The following MAP3K15 variants were observed in gnomAD, a reference collection of about 807,000 sequenced individuals.
MAP3K15 encodes MAPK/ERK kinase kinase 15.
Under a neutral mutation model 99.5 loss-of-function variants are expected in MAP3K15, and 124 were observed. That is an observed-to-expected ratio of 1.25 (90% CI 1.08 to 1.45). The LOEUF is 1.45. Among genes scored for constraint, MAP3K15 ranks in the 40% most tolerant of loss-of-function variants. The probability of loss-of-function intolerance (pLI) is 0.00; values close to 1 mark genes in which losing one functional copy is unlikely to be tolerated. For missense variants in MAP3K15, 1,242 were observed against 1,079.7 expected, an observed-to-expected ratio of 1.15 and a Z score of -2.11; for synonymous variants, 494 against 439.6, an observed-to-expected ratio of 1.12 and a Z score of -1.55.
chrX:19,469,223 C>T (rs1263612808), intron 3 of MAP3K15, among the ~76,000 whole-genome samples: 2 of 111,588 alleles, frequency 1.8e-5, no homozygotes, highest in African/African-American at 6.5e-5. Flanking sequence ...TGGAACAGAA[C>T]AGAGCCCTCA....
chrX:19,418,979 A>G (rs1225923341), intron 9 of MAP3K15, among the ~76,000 whole-genome samples: 2 of 111,860 alleles, frequency 1.8e-5, no homozygotes, highest in African/African-American at 6.5e-5. Context: ...TTTACAGACA[A>G]GCAAATGCTG....
chrX:19,418,846 G>A (rs1251932389), intron 9 of MAP3K15, among the ~76,000 whole-genome samples: 2 of 112,222 alleles, frequency 1.8e-5, no homozygotes, highest in Non-Finnish European at 3.8e-5. Flanking sequence ...TCTCTCTGCA[G>A]AAACTCTACA....
intron 8 of MAP3K15, 115 bp from the exon 9 acceptor site, chrX:19,425,805 C>CAATCAG: frequency 2.8e-6 from 2 of 705,781 alleles, no homozygotes; most frequent in Non-Finnish European, 4.0e-6. Flanking sequence ...GGAAAAGTAA[C>CAATCAG]TGATTGTTCC....
chrX:19,473,502 C>G lies in MAP3K15; in HGVS notation c.526-9096G>C, dbSNP rs1249234439. On this transcript the variant is annotated intron_variant, in intron 3 of 28. Coordinates refer to ENST00000338883, the MANE Select transcript of MAP3K15 (RefSeq NM_001001671.4). Reference sequence around the variant, plus strand: ...AAGTGGAAACATCTCAAGAATCCAGCTCATTAAAACAAATTTAACAAACGC... The same window carrying G: ...AAGTGGAAACATCTCAAGAATCCAGGTCATTAAAACAAATTTAACAAACGC... Among the ~76,000 whole-genome samples, 6 of 112,417 alleles carry G rather than the reference C, an allele frequency of 5.3e-5. No individual in the cohort carries two copies. In the Admixed American group the frequency reaches 5.7e-4, roughly 11 times the overall value.
At chrX:19,513,562 C>G (rs778561492) in intron 1 of MAP3K15, among the ~76,000 whole-genome samples, 2 of 111,580 alleles carry the variant, frequency 1.8e-5, no homozygotes, top group East Asian at 2.8e-4. Flanking sequence ...CTGACTCCCC[C>G]CCTACCCCGC....
At chrX:19,500,674 AAG>A (rs2064435243) in intron 1 of MAP3K15, among the ~76,000 whole-genome samples, 1 of 112,445 alleles carries the variant, frequency 8.9e-6, no homozygotes, top group Non-Finnish European at 1.9e-5. Flanking sequence ...ACTGGGAAAC[AAG>A]AATTTTGCCA....
At chrX:19,470,546 T>TAAA (rs56319020) in intron 3 of MAP3K15, among the ~76,000 whole-genome samples, 3 of 97,353 alleles carry the variant, frequency 3.1e-5, no homozygotes, top group Non-Finnish European at 6.1e-5. Context: ...AAACTTAAAT[T>TAAA]AAAAAAAAAA....
chrX:19,423,156 C>T (rs2063800576), intron 9 of MAP3K15, among the ~76,000 whole-genome samples: 1 of 109,621 alleles, frequency 9.1e-6, no homozygotes, highest in African/African-American at 3.3e-5. Flanking sequence ...TGCACATGTA[C>T]CCTAAAACTT....
At chrX:19,373,481 G>A in intron 21 of MAP3K15, 55 bp downstream of exon 21, 1 of 1,147,192 alleles carries the variant, frequency 8.7e-7, no homozygotes, top group East Asian at 3.3e-5. Flanking sequence ...CCCTGTGGCG[G>A]AGGACTACCA....
Position 19,424,791 on chromosome X carries a change from C to T in MAP3K15, c.1439+740G>A, listed in dbSNP as rs1036692973. Among the ~76,000 whole-genome samples, 5 of 109,035 alleles carry T rather than the reference C, an allele frequency of 4.6e-5. No individual in the cohort carries two copies. In the East Asian group the frequency reaches 8.6e-4, roughly 19 times the overall value. The allele number at this position is 109,035 out of a possible 115,157, so 94.7% of individuals were successfully genotyped here. On this transcript the variant is annotated intron_variant, in intron 9 of 28. Transcript: ENST00000338883. ...CTTCCCGAGTAGCTGGGACCACAGG[C>T]GTGCACCACCATGCCTGGCTATTTT...
intron 25 of MAP3K15, among the ~76,000 whole-genome samples, chrX:19,366,131 G>A (rs1438404862): frequency 9.0e-6 from 1 of 110,599 alleles, no homozygotes; most frequent in East Asian, 2.8e-4. Flanking sequence ...AAGTGGGGTG[G>A]GGAGAGGAGA....
intron 3 of MAP3K15, among the ~76,000 whole-genome samples, chrX:19,468,146 C>T (rs909812499): frequency 8.9e-6 from 1 of 111,930 alleles, no homozygotes; most frequent in African/African-American, 3.2e-5. Context: ...GAAGTTTAAG[C>T]TCATGAGTGC....
At chrX:19,392,589 G>T in intron 16 of MAP3K15, 116 bp from the exon 17 acceptor site, 1 of 717,476 alleles carries the variant, frequency 1.4e-6, no homozygotes. Flanking sequence ...CAACACCATC[G>T]GATCTGGGCT....
Position 19,415,226 on chromosome X carries a change from G to C in MAP3K15, c.1471C>G (p.Leu491Val). The C allele has an allele frequency of 7.6e-6, 9 of 1,180,570 alleles. No homozygotes were observed. The highest frequency in any genetic ancestry group is 1.0e-5 in the Non-Finnish European group (9 of 885,188). ...ATGGTTTTCTTGAAGCGCCGAATTAGTAACAAGTTCTGAACTAATGATCGC... is the reference window on the plus strand; with the variant it reads ...ATGGTTTTCTTGAAGCGCCGAATTACTAACAAGTTCTGAACTAATGATCGC... ...YLRSLVQNLL[L>V]IRRFKKTIIE... The change falls in exon 10 of 29, where the codon CTA (leucine) becomes GTA (valine). Residue 491 changes from leucine to valine, a missense_variant. By Grantham distance (32) the Leu-to-Val change is conservative. Transcript: ENST00000338883.
In MAP3K15 at chrX:19,374,645, T is replaced by A; in HGVS notation, c.2605A>T (p.Ile869Phe). The change falls in exon 20 of 29, where the codon ATC becomes TTC. Residue 869 changes from isoleucine (I) to phenylalanine (F), a missense_variant. By Grantham distance (21) the Ile-to-Phe change is conservative. Transcript: ENST00000338883. ...AAMFKVGMFK[I>F]HPEIPEALSA... The stretch of plus-strand genomic sequence containing the variant: ...AGGGCTTCTGGAATCTCAGGGTGGA[T>A]CTTAAACATGCCCACCTGCATTTAA... The A allele has an allele frequency of 8.3e-7, 1 of 1,210,063 alleles. No homozygotes were observed. Among genetic ancestry groups the A allele is most frequent in the Non-Finnish European group, 1.1e-6 (1 of 894,549 alleles).
intron 1 of MAP3K15, among the ~76,000 whole-genome samples, chrX:19,503,698 A>G (rs922388141): frequency 1.8e-5 from 2 of 110,461 alleles, no homozygotes; most frequent in African/African-American, 3.3e-5. Context: ...AAGTGCTGGG[A>G]TTACAGGTGT....
intron 9 of MAP3K15, among the ~76,000 whole-genome samples, chrX:19,421,250 T>A (rs2063781465): frequency 9.0e-6 from 1 of 111,432 alleles, no homozygotes. Flanking sequence ...ATTGTCCCTG[T>A]TTGCAGATGA....
intron 6 of MAP3K15, among the ~76,000 whole-genome samples, chrX:19,438,872 T>C (rs948801820): frequency 8.9e-6 from 1 of 112,049 alleles, no homozygotes; most frequent in Non-Finnish European, 1.9e-5. Context: ...TCTTCACTCC[T>C]GTAGTGACAA....
intron 6 of MAP3K15, among the ~76,000 whole-genome samples, chrX:19,439,577 C>G (rs1161575004): frequency 9.0e-6 from 1 of 111,498 alleles, no homozygotes; most frequent in Non-Finnish European, 1.9e-5. Flanking sequence ...AGCAATCCTC[C>G]CATCTCAGCC....
Sources: allele counts gnomAD v4.1 joint callset (sites outside exome capture counted in the v4.1 genomes callset), GRCh38; gene constraint gnomAD v4.1.1; transcripts MANE v1.5; gene names NCBI Gene and HGNC (gene_info 2026-07-23, HGNC 2026-07-21).